Variants in LRRC17 observed in about 807,000 individuals in gnomAD.
LRRC17 encodes the protein leucine-rich repeat-containing protein 17.
A neutral mutation model predicts 41.5 loss-of-function variants in LRRC17; 33 were observed. The ratio of observed to expected loss-of-function variants is 0.80; its 90% CI spans 0.60 to 1.06. The LOEUF (loss-of-function observed/expected upper bound fraction) is 1.06, where lower values mean the gene tolerates loss of function less well. Among genes scored for constraint, LRRC17 ranks in the 50% least tolerant of loss-of-function variants. LRRC17 has a pLI of 0.00. For missense variants in LRRC17, 491 were observed against 519.3 expected, an observed-to-expected ratio of 0.95 and a Z score of 0.53; for synonymous variants, 192 against 197.0, an observed-to-expected ratio of 0.97 and a Z score of 0.21.
Position 102,944,483 on chromosome 7 carries a change from C to T in LRRC17, c.1202C>T (p.Pro401Leu), listed in dbSNP as rs1822089557. The change falls in exon 4 of 4, where the codon CCC becomes CTC. Residue 401 changes from proline to leucine, a missense_variant. Coordinates refer to ENST00000339431, the MANE Select transcript of LRRC17 (RefSeq NM_001031692.3). ...KYIRSYYEEC[P>L]KDKLPAYPES... Reference sequence around the variant, plus strand: ...ATTAGAAGTTACTATGAAGAATGCCCCAAAGACAAGTTACCAGCATATCCT... The same window carrying T: ...ATTAGAAGTTACTATGAAGAATGCCTCAAAGACAAGTTACCAGCATATCCT... 1.2e-6 allele frequency: 2 copies of T among 1,613,880 alleles called. No individual in the cohort carries two copies. The highest frequency in any genetic ancestry group is 1.7e-6 in the Non-Finnish European group (2 of 1,179,950).
intron 1 of LRRC17, among the ~76,000 whole-genome samples, chr7:102,926,607 C>T (rs1039670330): frequency 1.3e-5 from 2 of 152,200 alleles, no homozygotes; most frequent in South Asian, 2.1e-4. Context: ...AAGTCTCATT[C>T]CATCACAATG....
At chr7:102,931,750 T>C in intron 1 of LRRC17, 2 of 739,782 alleles carry the variant, frequency 2.7e-6, no homozygotes, top group Non-Finnish European at 4.4e-6. Flanking sequence ...TTCTTGTCAA[T>C]GTTTAACATA....
intron 1 of LRRC17, among the ~76,000 whole-genome samples, chr7:102,929,689 T>G (rs1462656929): frequency 9.9e-5 from 14 of 141,150 alleles, no homozygotes; most frequent in African/African-American, 3.6e-4. Context: ...AAAAAATTAA[T>G]TAAGTTAGAA....
intron 3 of LRRC17, among the ~76,000 whole-genome samples, chr7:102,940,137 G>A (rs1359907368): frequency 4.6e-5 from 7 of 151,504 alleles, no homozygotes; most frequent in East Asian, 1.9e-4. Flanking sequence ...CAGGTGATCC[G>A]CCCACCTTGG....
chr7:102,930,820 C>T (rs1373264213), intron 1 of LRRC17, among the ~76,000 whole-genome samples: 1 of 152,180 alleles, frequency 6.6e-6, no homozygotes, highest in Non-Finnish European at 1.5e-5. Flanking sequence ...AGATGTCAAC[C>T]CAAGATGGAA....
At chr7:102,924,011 G>A (rs1817583645) in intron 1 of LRRC17, among the ~76,000 whole-genome samples, 1 of 152,052 alleles carries the variant, frequency 6.6e-6, no homozygotes, top group Non-Finnish European at 1.5e-5. Flanking sequence ...AGGCCAAGGA[G>A]GGTGGATCAT....
chr7:102,934,744 T>A, intron 2 of LRRC17, 59 bp downstream of exon 2: 1 of 1,392,618 alleles, frequency 7.2e-7, no homozygotes, highest in Non-Finnish European at 9.8e-7. Flanking sequence ...CTTTGAATCT[T>A]ATAATCCTCC....
chr7:102,944,475 A>G lies in LRRC17; in HGVS notation c.1194A>G (p.Glu398=), dbSNP rs1822087584. 6.2e-7 allele frequency: 1 copy of G among 1,614,116 alleles called. No individual in the cohort carries two copies. Among genetic ancestry groups the G allele is most frequent in the Non-Finnish European group, 8.5e-7 (1 of 1,180,000 alleles). Reference sequence around the variant, plus strand: ...GAAAATATATTAGAAGTTACTATGAAGAATGCCCCAAAGACAAGTTACCAG... The same window carrying G: ...GAAAATATATTAGAAGTTACTATGAGGAATGCCCCAAAGACAAGTTACCAG... ...SVGKYIRSYY[E]ECPKDKLPAY... is the part of the protein sequence containing the mutation. Residue 398 remains glutamate (E), a synonymous_variant, in exon 4 of 4, where the codon GAA becomes GAG. Transcript: ENST00000339431.
chr7:102,914,059 A>G (rs1815313362), intron 1 of LRRC17, among the ~76,000 whole-genome samples: 1 of 152,182 alleles, frequency 6.6e-6, no homozygotes, highest in Admixed American at 6.5e-5. Context: ...CAAGCCCTCC[A>G]AAGCCTGGAA....
At chr7:102,923,733 A>AG (rs1426174514) in intron 1 of LRRC17, among the ~76,000 whole-genome samples, 5 of 152,120 alleles carry the variant, frequency 3.3e-5, no homozygotes, top group African/African-American at 9.7e-5. Flanking sequence ...CTGAGGCAGG[A>AG]GAATTGCTTT....
chr7:102,924,048 C>G (rs1206201413), intron 1 of LRRC17, among the ~76,000 whole-genome samples: 1 of 151,610 alleles, frequency 6.6e-6, no homozygotes, highest in African/African-American at 2.4e-5. Flanking sequence ...GAGGCCAGCC[C>G]GACCAACATA....
chr7:102,941,254 T>C (rs1821360235), intron 3 of LRRC17, among the ~76,000 whole-genome samples: 2 of 152,156 alleles, frequency 1.3e-5, no homozygotes, highest in South Asian at 4.1e-4. Context: ...AAGTTAGCAT[T>C]ACATTAGTGT....
At chr7:102,921,005 A>G (rs1475864383) in intron 1 of LRRC17, among the ~76,000 whole-genome samples, 1 of 152,004 alleles carries the variant, frequency 6.6e-6, no homozygotes, top group African/African-American at 2.4e-5. Flanking sequence ...TACAAATATT[A>G]GCCTGGCGTG....
intron 1 of LRRC17, among the ~76,000 whole-genome samples, chr7:102,919,003 T>A (rs1343040554): frequency 6.6e-6 from 1 of 152,226 alleles, no homozygotes; most frequent in East Asian, 1.9e-4. Flanking sequence ...GGATCTTAAG[T>A]AATTCCTGAA....
At chr7:102,916,944 T>C (rs2129469696) in intron 1 of LRRC17, among the ~76,000 whole-genome samples, 1 of 152,250 alleles carries the variant, frequency 6.6e-6, no homozygotes, top group East Asian at 1.9e-4. Context: ...TTGAAGTCAT[T>C]TGTGTTAAAT....
In LRRC17 at chr7:102,933,843, T is replaced by C. The variant is rs976615250; in HGVS notation, c.-71T>C. 7 of 1,451,850 alleles carry C rather than the reference T, an allele frequency of 4.8e-6. No homozygotes were observed. The East Asian group carries it at 1.2e-4, about 26-fold the overall frequency. The allele number at this position is 1,451,850 out of a possible 1,614,324, so 89.9% of individuals were successfully genotyped here. A position where few individuals can be genotyped will look rare whatever the true frequency, so the allele number is the denominator to read the frequency against. ...CTGCATTAGTTAAGATTACCCAGAC[T>C]TGGATTTCAAAGGAATACTTTCATT... On this transcript the variant is annotated 5_prime_UTR_variant, in exon 2 of 4. Transcript: ENST00000339431.
chr7:102,926,372 A>T, intron 1 of LRRC17: 1 of 1,612,230 alleles, frequency 6.2e-7, no homozygotes, highest in South Asian at 1.1e-5. Flanking sequence ...TCATTGATTC[A>T]TCCTGCATGA....
intron 1 of LRRC17, among the ~76,000 whole-genome samples, chr7:102,921,546 G>A (rs1817028379): frequency 6.6e-6 from 1 of 151,896 alleles, no homozygotes; most frequent in Non-Finnish European, 1.5e-5. Flanking sequence ...TGGGTGTTGT[G>A]GTAAGTGCCT....
intron 1 of LRRC17, among the ~76,000 whole-genome samples, chr7:102,918,431 C>T (rs1426354060): frequency 6.6e-6 from 1 of 152,040 alleles, no homozygotes; most frequent in Non-Finnish European, 1.5e-5. Context: ...TGTCATATTA[C>T]CTTCAATTTC....
Sources: allele counts gnomAD v4.1 joint callset (sites outside exome capture counted in the v4.1 genomes callset), GRCh38; gene constraint gnomAD v4.1.1; transcripts MANE v1.5; gene names NCBI Gene and HGNC (gene_info 2026-07-23, HGNC 2026-07-21).